NRXN3: variants seen among roughly 807,000 people sequenced by gnomAD.
The protein encoded by NRXN3 is neurexin III.
A neutral mutation model predicts 137.6 loss-of-function variants in NRXN3; 32 were observed. The observed-to-expected ratio is 0.23, with a 90% CI of 0.18 to 0.31. The LOEUF (loss-of-function observed/expected upper bound fraction) is 0.31. Among genes scored for constraint, NRXN3 ranks in the 10% least tolerant of loss-of-function variants. The probability of loss-of-function intolerance (pLI) is 1.00; values close to 1 mark genes in which losing one functional copy is unlikely to be tolerated. For synonymous variants in NRXN3, 798 were observed against 784.5 expected (o/e 1.02, Z -0.29); for missense variants, 1,574 against 2,062.5 (o/e 0.76, Z 4.59).
In NRXN3 at chr14:79,724,726, G is replaced by C. The variant is rs186657124; in HGVS notation, c.4014+26789G>C. Among the ~76,000 whole-genome samples the C allele has an allele frequency of 3.8e-4, 58 of 152,224 alleles. No individual in the cohort carries two copies. In the Middle Eastern group the frequency reaches 0.014, roughly 36 times the overall value. On this transcript the variant is annotated intron_variant, in intron 19 of 20. Coordinates refer to ENST00000335750, the MANE Select transcript of NRXN3 (RefSeq NM_001330195.2). ...GTTTTTGATTTCTGACTATATGGTA[G>C]AGTTCAGCTACACAGTATATGGTAC... is the stretch of plus-strand genomic sequence containing the variant.
chr14:79,543,930 A>G (rs1054756728), intron 16 of NRXN3, among the ~76,000 whole-genome samples: 2 of 152,230 alleles, frequency 1.3e-5, no homozygotes, highest in African/African-American at 2.4e-5. Context: ...AAACCAAACA[A>G]TGTGTGAGCT....
chr14:78,368,356 C>T (rs1047025353), intron 4 of NRXN3, among the ~76,000 whole-genome samples: 2 of 152,148 alleles, frequency 1.3e-5, no homozygotes, highest in South Asian at 2.1e-4. Context: ...TGGGGTTAAA[C>T]GTGGGTGCCC....
chr14:78,291,504 C>T (rs1596895621), intron 3 of NRXN3, among the ~76,000 whole-genome samples: 1 of 152,184 alleles, frequency 6.6e-6, no homozygotes, highest in Admixed American at 6.5e-5. Context: ...GGAGGGTTAT[C>T]AAGCCACTTT....
chr14:78,368,855 G>T (rs1353387870), intron 4 of NRXN3, among the ~76,000 whole-genome samples: 1 of 152,210 alleles, frequency 6.6e-6, no homozygotes, highest in East Asian at 1.9e-4. Context: ...ATATGGTCAT[G>T]AGAGGTCACA....
chr14:78,202,089 A>G (rs2153396363), intron 1 of NRXN3, among the ~76,000 whole-genome samples: 1 of 151,004 alleles, frequency 6.6e-6, no homozygotes, highest in East Asian at 1.9e-4. Flanking sequence ...CATAGCTGCC[A>G]TGGGTGAGCT....
intron 10 of NRXN3, among the ~76,000 whole-genome samples, chr14:78,867,973 A>G (rs1055094687): frequency 6.7e-6 from 1 of 148,538 alleles, no homozygotes; most frequent in African/African-American, 2.4e-5. Flanking sequence ...TTATAATTAT[A>G]AAATTACAAA....
chr14:79,073,605 T>C (rs1414038921), intron 15 of NRXN3, among the ~76,000 whole-genome samples: 1 of 152,206 alleles, frequency 6.6e-6, no homozygotes, highest in African/African-American at 2.4e-5. Flanking sequence ...CTCTTTGCAA[T>C]ACAGTGTGTT....
chr14:79,726,519 C>T (rs12589656), intron 19 of NRXN3, among the ~76,000 whole-genome samples: 24,426 of 152,010 alleles, frequency 0.16, 2,138 homozygotes, highest in Middle Eastern at 0.21. Flanking sequence ...AAGCACATAG[C>T]GGTGCTCTTT....
intron 15 of NRXN3, chr14:79,200,996 A>G (rs2065920780): frequency 6.6e-6 from 1 of 152,086 alleles, no homozygotes; most frequent in Admixed American, 6.6e-5. Context: ...AAATAATACT[A>G]AGAAATTTAG....
chr14:78,957,404 T>C lies in NRXN3; in HGVS notation c.2395+43T>C, dbSNP rs1443311224. ...GAAATTCGTCTGTCTTTTCTCTCAG[T>C]CCTCTCAGTCACTGAGTGAGCAAAC... On this transcript the variant is annotated intron_variant, in intron 11 of 20. Coordinates refer to ENST00000335750, the MANE Select transcript of NRXN3 (RefSeq NM_001330195.2). The C allele has an allele frequency of 2.7e-6, 4 of 1,484,958 alleles. No individual in the cohort carries two copies. The South Asian group carries it at 5.3e-5, about 20-fold the overall frequency. 92.0% of individuals were successfully genotyped at this position (1,484,958 alleles called of 1,614,324 possible).
rs2099344212 is a variant in NRXN3, at chr14:78,937,343, C to T, written c.2276-19899C>T. ...GTGGTCTATAAATGTACATACCCCA[C>T]CTTTGCTGTAGTTGATGCCTCTGCT... On this transcript the variant is annotated intron_variant, in intron 10 of 20. Transcript: ENST00000335750. Among the ~76,000 whole-genome samples, 3 of 152,164 alleles carry T rather than the reference C, an allele frequency of 2.0e-5. No individual in the cohort carries two copies. The South Asian group carries it at 6.2e-4, about 31-fold the overall frequency.
chr14:78,712,516 CTT>C (rs1205615422), intron 7 of NRXN3, among the ~76,000 whole-genome samples: 2 of 152,260 alleles, frequency 1.3e-5, no homozygotes, highest in East Asian at 3.9e-4. Context: ...TGCTTCTACT[CTT>C]GTGTTGACTT....
intron 15 of NRXN3, among the ~76,000 whole-genome samples, chr14:79,093,829 C>T (rs1045006626): frequency 2.1e-4 from 32 of 151,924 alleles, no homozygotes; most frequent in African/African-American, 7.5e-4. Flanking sequence ...GAGTATGGGG[C>T]CTGGTCTATT....
intron 4 of NRXN3, among the ~76,000 whole-genome samples, chr14:78,386,067 A>T (rs1206645474): frequency 4.6e-5 from 7 of 151,100 alleles, no homozygotes; most frequent in African/African-American, 1.7e-4. Flanking sequence ...AGAGCAAAAA[A>T]AGTCCCATTT....
At chr14:79,416,603 T>C (rs564471878) in intron 15 of NRXN3, among the ~76,000 whole-genome samples, 2 of 152,304 alleles carry the variant, frequency 1.3e-5, no homozygotes, top group African/African-American at 4.8e-5. Context: ...CACATTTTAC[T>C]GCTGTATGCC....
chr14:79,524,735 T>G (rs2097102463), intron 16 of NRXN3, among the ~76,000 whole-genome samples: 1 of 152,190 alleles, frequency 6.6e-6, no homozygotes, highest in Non-Finnish European at 1.5e-5. Flanking sequence ...AGAGAAAAAG[T>G]GTACACATTT....
intron 15 of NRXN3, among the ~76,000 whole-genome samples, chr14:79,114,307 C>A (rs2054023641): frequency 6.6e-6 from 1 of 152,116 alleles, no homozygotes; most frequent in African/African-American, 2.4e-5. Flanking sequence ...GTGAATACTG[C>A]CAAGATAGAG....
At chr14:78,940,177 G>A (rs2099350297) in intron 10 of NRXN3, among the ~76,000 whole-genome samples, 2 of 152,184 alleles carry the variant, frequency 1.3e-5, no homozygotes, top group Admixed American at 1.3e-4. Flanking sequence ...GACATTTGCT[G>A]AACTTGCATG....
At chr14:78,496,697 C>T (rs2095791203) in intron 4 of NRXN3, among the ~76,000 whole-genome samples, 1 of 151,878 alleles carries the variant, frequency 6.6e-6, no homozygotes, top group Admixed American at 6.6e-5. Flanking sequence ...GAATACCAAG[C>T]TGAGCAGGGT....
Sources: allele counts gnomAD v4.1 joint callset (sites outside exome capture counted in the v4.1 genomes callset), GRCh38; gene constraint gnomAD v4.1.1; transcripts MANE v1.5; gene names NCBI Gene and HGNC (gene_info 2026-07-23, HGNC 2026-07-21).